CDC14A: variants seen among roughly 807,000 people sequenced by gnomAD.
CDC14A encodes the protein dual specificity protein phosphatase CDC14A.
CDC14A carries 53 observed loss-of-function variants against 74.4 expected under a neutral mutation model. The observed-to-expected ratio is 0.71, with a 90% CI of 0.57 to 0.89. CDC14A has a LOEUF of 0.89. Ranked by LOEUF, CDC14A falls within the 40% of genes least tolerant of loss-of-function variation. The pLI is 0.00. For missense variants in CDC14A, 646 were observed against 713.7 expected (o/e 0.91, Z 1.08); for synonymous variants, 247 against 258.4 (o/e 0.96, Z 0.43).
At chr1:100,407,427 A>T (rs544433581) in intron 4 of CDC14A, among the ~76,000 whole-genome samples, 8 of 152,194 alleles carry the variant, frequency 5.3e-5, no homozygotes, top group Non-Finnish European at 8.8e-5. Context: ...TTCCCTTGTT[A>T]GCTGTATTGC....
rs1656963111 is a variant in CDC14A at position 100,386,972 on chromosome 1, T to C, written c.217-3760T>C. Among the ~76,000 whole-genome samples, 3 of 152,132 alleles carry C rather than the reference T, an allele frequency of 2.0e-5. No homozygotes were observed. The South Asian group carries it at 6.2e-4, about 32-fold the overall frequency. The stretch of plus-strand genomic sequence containing the variant: ...TGATTATGTAATAGTATTTTTTAAG[T>C]GGGGGACATGCTTAAAATTTGAGAG... On this transcript the variant is annotated intron_variant, in intron 3 of 15. Coordinates refer to ENST00000336454, the MANE Select transcript of CDC14A (RefSeq NM_003672.4).
At chr1:100,418,952 A>G (rs560414327) in intron 4 of CDC14A, among the ~76,000 whole-genome samples, 1 of 152,308 alleles carries the variant, frequency 6.6e-6, no homozygotes, top group Admixed American at 6.5e-5. Context: ...TGGGAGGCTG[A>G]GGCGGGTGGA....
intron 11 of CDC14A, chr1:100,484,926 A>G: frequency 1.0e-6 from 1 of 972,664 alleles, no homozygotes; most frequent in South Asian, 4.8e-5. Context: ...AATAGTTGAT[A>G]TATATTGTCT....
intron 10 of CDC14A, among the ~76,000 whole-genome samples, chr1:100,473,081 C>G (rs1026259197): frequency 3.5e-5 from 5 of 142,922 alleles, no homozygotes; most frequent in Admixed American, 3.4e-4. Flanking sequence ...TTAGAGTAAG[C>G]CTGTCTAAAT....
intron 11 of CDC14A, chr1:100,485,015 T>C (rs1261679632): frequency 1.0e-6 from 1 of 985,044 alleles, no homozygotes; most frequent in Non-Finnish European, 1.2e-6. Context: ...ATCAGAGATG[T>C]TCTAACCTCA....
At chr1:100,424,996 C>T (rs1352539207) in intron 5 of CDC14A, among the ~76,000 whole-genome samples, 3 of 151,888 alleles carry the variant, frequency 2.0e-5, no homozygotes, top group Admixed American at 6.6e-5. Flanking sequence ...GGTGAAACCC[C>T]GTCTCTACTA....
In CDC14A at chr1:100,352,542, C is replaced by A. The variant is rs894419581; in HGVS notation, c.-413C>A. 1 of 1,040,228 alleles carries A rather than the reference C, an allele frequency of 9.6e-7. No individual in the cohort carries two copies. The highest frequency in any genetic ancestry group is 1.2e-6 in the Non-Finnish European group (1 of 865,478). The allele number at this position is 1,040,228 out of a possible 1,614,324, so 64.4% of individuals were successfully genotyped here. ...CCAGCCCGCGGGCACTGAAGTCCTC[C>A]CGGCTGCCGCTCGAGTAGCCACGGG... On this transcript the variant is annotated 5_prime_UTR_variant, in exon 1 of 16. Transcript: ENST00000336454.
At chr1:100,457,554 C>G (rs1666834326) in intron 8 of CDC14A, among the ~76,000 whole-genome samples, 1 of 151,778 alleles carries the variant, frequency 6.6e-6, no homozygotes, top group Non-Finnish European at 1.5e-5. Flanking sequence ...GAACTCCTGT[C>G]CTCAAATGAT....
chr1:100,440,638 T>C (rs1049648260), intron 6 of CDC14A, among the ~76,000 whole-genome samples: 4 of 152,168 alleles, frequency 2.6e-5, no homozygotes, highest in African/African-American at 7.2e-5. Flanking sequence ...AACATATAAC[T>C]ATGGTTTATT....
intron 9 of CDC14A, among the ~76,000 whole-genome samples, chr1:100,466,888 A>G (rs1291037717): frequency 6.0e-5 from 9 of 150,646 alleles, no homozygotes; most frequent in Non-Finnish European, 1.0e-4. Flanking sequence ...AAAAAAAAAA[A>G]AAGAAGGGTT....
intron 12 of CDC14A, among the ~76,000 whole-genome samples, chr1:100,495,514 T>A (rs1410056961): frequency 6.6e-6 from 1 of 152,156 alleles, no homozygotes; most frequent in African/African-American, 2.4e-5. Flanking sequence ...AAAAGGGGAA[T>A]CAAAAGGTGC....
intron 4 of CDC14A, among the ~76,000 whole-genome samples, chr1:100,423,562 G>A (rs1405521567): frequency 1.3e-5 from 2 of 152,166 alleles, no homozygotes; most frequent in Non-Finnish European, 2.9e-5. Flanking sequence ...CAGTATCTAT[G>A]TATATTACCT....
intron 10 of CDC14A, among the ~76,000 whole-genome samples, chr1:100,480,150 T>C (rs550813301): frequency 1.3e-5 from 2 of 152,300 alleles, no homozygotes; most frequent in South Asian, 4.1e-4. Flanking sequence ...AAATCACCAT[T>C]ATCTCCACCC....
At chr1:100,442,259 G>A (rs181609573) in intron 6 of CDC14A, among the ~76,000 whole-genome samples, 1 of 147,134 alleles carries the variant, frequency 6.8e-6, no homozygotes, top group African/African-American at 2.5e-5. Flanking sequence ...GAACAAATAA[G>A]GGCCTATTAA....
At chr1:100,470,411 A>G (rs1668275403) in intron 10 of CDC14A, among the ~76,000 whole-genome samples, 1 of 151,992 alleles carries the variant, frequency 6.6e-6, no homozygotes, top group South Asian at 2.1e-4. Context: ...ACTACTTCTA[A>G]TATTATACTG....
At chr1:100,440,907 T>C (rs1466627965) in intron 6 of CDC14A, among the ~76,000 whole-genome samples, 1 of 152,232 alleles carries the variant, frequency 6.6e-6, no homozygotes, top group Non-Finnish European at 1.5e-5. Flanking sequence ...ATCTTTTTCT[T>C]TCTACTTAAA....
At position 100,424,251 on chromosome 1, in the gene CDC14A, A is replaced by C. The variant is rs1225116409; in HGVS notation, c.339A>C (p.Glu113Asp). Residue 113 changes from glutamate (E) to aspartate (D), a missense_variant, in exon 5 of 16, where the codon GAA (glutamate) becomes GAC (aspartate). Transcript: ENST00000336454. ...AVIYLKKTPE[E>D]AYRALLSGSN... is the part of the protein sequence containing the mutation. ...TCTATTTAAAGAAGACACCAGAAGA[A>C]GCCTACAGAGCACTCCTGTCTGGCT... The C allele has an allele frequency of 1.2e-6, 2 of 1,613,384 alleles. No homozygotes were observed. The highest frequency in any genetic ancestry group is 3.3e-5 in the Admixed American group (2 of 60,018).
chr1:100,437,276 A>G (rs1221153507), intron 5 of CDC14A, among the ~76,000 whole-genome samples: 1 of 152,216 alleles, frequency 6.6e-6, no homozygotes, highest in East Asian at 1.9e-4. Flanking sequence ...CCCAGAGAAT[A>G]CATAACATGT....
At chr1:100,494,665 G>C (rs558723945) in intron 11 of CDC14A, among the ~76,000 whole-genome samples, 153 bp from the exon 12 acceptor site, 1 of 152,220 alleles carries the variant, frequency 6.6e-6, no homozygotes, top group Non-Finnish European at 1.5e-5. Context: ...GTGTTCTTTT[G>C]TGTAAACTTT....
Sources: allele counts gnomAD v4.1 joint callset (sites outside exome capture counted in the v4.1 genomes callset), GRCh38; gene constraint gnomAD v4.1.1; transcripts MANE v1.5; gene names NCBI Gene and HGNC (gene_info 2026-07-23, HGNC 2026-07-21).